The following ABCA12 variants were observed in gnomAD, a reference collection of about 807,000 sequenced individuals.
The protein encoded by ABCA12 is glucosylceramide transporter ABCA12.
ABCA12 carries 156 observed loss-of-function variants against 293.5 expected under a neutral mutation model. The observed-to-expected ratio is 0.53, with a 90% CI of 0.47 to 0.61. ABCA12 has a LOEUF of 0.61. ABCA12 is among the 20% of genes least tolerant of loss of function. The pLI, the probability that ABCA12 is intolerant of heterozygous loss-of-function variation, is 0.00. For synonymous variants in ABCA12, 1,063 were observed against 1,108.0 expected (o/e 0.96, Z 0.81); for missense variants, 2,797 against 3,090.2 (o/e 0.91, Z 2.25).
chr2:215,046,181 T>A (rs557706068), intron 6 of ABCA12, among the ~76,000 whole-genome samples, 166 bp from the exon 7 acceptor site: 1 of 152,260 alleles, frequency 6.6e-6, no homozygotes, highest in East Asian at 1.9e-4. Context: ...CAGCAACTAC[T>A]TCTAATGTTC....
intron 40 of ABCA12, 45 bp from the exon 41 acceptor site, chr2:214,958,499 A>G: frequency 5.0e-6 from 8 of 1,593,946 alleles, no homozygotes; most frequent in Non-Finnish European, 6.9e-6. Flanking sequence ...AAGTTTTTGA[A>G]ACTCTTTTCC....
intron 39 of ABCA12, among the ~76,000 whole-genome samples, chr2:214,959,665 T>A (rs919287538): frequency 2.6e-5 from 4 of 152,162 alleles, no homozygotes; most frequent in Non-Finnish European, 4.4e-5. Context: ...CGAGGCCTTT[T>A]CATTGAGACA....
intron 2 of ABCA12, among the ~76,000 whole-genome samples, chr2:215,070,990 G>A (rs905204429): frequency 5.3e-5 from 8 of 151,948 alleles, no homozygotes; most frequent in Non-Finnish European, 1.0e-4. Context: ...GACAAAGCCT[G>A]GGCAACATGG....
In ABCA12 at chr2:214,979,941, G is replaced by A. The variant is rs1699610232; in HGVS notation, c.4740+542C>T. 2.0e-5 allele frequency among the ~76,000 whole-genome samples: 3 copies of A among 152,226 alleles called. No individual in the cohort carries two copies. The South Asian group carries it at 6.2e-4, about 32-fold the overall frequency. The stretch of plus-strand genomic sequence containing the variant: ...GTTAGGTGGTGCAGGGATCTTTAGC[G>A]AGCATTTTTGTTCTCCAAAAGATGT... On this transcript the variant is annotated intron_variant, in intron 31 of 52. Transcript: ENST00000272895.
At chr2:214,946,604 T>C (rs192454225) in intron 48 of ABCA12, among the ~76,000 whole-genome samples, 2 of 152,282 alleles carry the variant, frequency 1.3e-5, no homozygotes, top group African/African-American at 4.8e-5. Flanking sequence ...AATGATTTGA[T>C]CCACTGTATG....
Position 214,969,802 on chromosome 2 carries a change from G to A in ABCA12, c.5690+471C>T, listed in dbSNP as rs1370627688. Among the ~76,000 whole-genome samples, 32 of 152,052 alleles carry A rather than the reference G, an allele frequency of 2.1e-4. 1 individual carries two copies. The highest frequency in any genetic ancestry group is 2.1e-3 in the Admixed American group (32 of 15,258). ...AAAGAAGAAAATGGCAGCAATTGAA[G>A]GTCTACCAACTTTGTGTCCATGACA... is the stretch of plus-strand genomic sequence containing the variant. On this transcript the variant is annotated intron_variant, in intron 37 of 52. Transcript: ENST00000272895.
intron 1 of ABCA12, among the ~76,000 whole-genome samples, chr2:215,134,614 TATAGAGAGAGAGAGAGAGAGAG>T (rs1703166001): frequency 1.2e-5 from 1 of 86,298 alleles, no homozygotes. Flanking sequence ...TATATATATA[TATAGAGAGAGAGAGAGAGAGAG>T]AGAGACAAAC....
chr2:214,996,445 T>A (rs765320714), intron 23 of ABCA12, among the ~76,000 whole-genome samples: 4 of 152,178 alleles, frequency 2.6e-5, no homozygotes, highest in Non-Finnish European at 5.9e-5. Flanking sequence ...TCTCAAAGAT[T>A]TTCTTTACTC....
intron 2 of ABCA12, among the ~76,000 whole-genome samples, chr2:215,094,997 T>C (rs1270154155): frequency 6.6e-6 from 1 of 152,182 alleles, no homozygotes; most frequent in Non-Finnish European, 1.5e-5. Flanking sequence ...TGTATGCTAG[T>C]TTTCCTTATC....
intron 1 of ABCA12, among the ~76,000 whole-genome samples, chr2:215,121,766 G>A (rs527812825): frequency 1.3e-5 from 2 of 152,256 alleles, no homozygotes; most frequent in Admixed American, 1.3e-4. Context: ...TCATGATAGT[G>A]AACAAGTCTC....
intron 26 of ABCA12, 54 bp from the exon 27 acceptor site, chr2:214,987,847 T>A: frequency 6.3e-7 from 1 of 1,591,018 alleles, no homozygotes; most frequent in South Asian, 1.1e-5. Context: ...TTAACATTTA[T>A]CATCAGAAAC....
At chr2:214,984,659 G>A (rs1349737520) in intron 28 of ABCA12, among the ~76,000 whole-genome samples, 1 of 151,956 alleles carries the variant, frequency 6.6e-6, no homozygotes, top group Non-Finnish European at 1.5e-5. Flanking sequence ...CATTGATTTT[G>A]CCTCTTTCCC....
intron 42 of ABCA12, 36 bp from the exon 43 acceptor site, chr2:214,955,397 C>T (rs1698913951): frequency 6.2e-7 from 1 of 1,609,486 alleles, no homozygotes; most frequent in Non-Finnish European, 8.5e-7. Context: ...AAAATTACGC[C>T]TCGGCCAGGC....
intron 2 of ABCA12, among the ~76,000 whole-genome samples, chr2:215,103,830 A>G (rs1178273876): frequency 1.3e-5 from 2 of 152,026 alleles, no homozygotes; most frequent in Non-Finnish European, 2.9e-5. Flanking sequence ...ATCCAGGTAA[A>G]TCTGACATTA....
Position 214,947,429 on chromosome 2 carries a change from A to G in ABCA12, c.7232T>C (p.Leu2411Pro). 1 of 1,613,916 alleles carries G rather than the reference A, an allele frequency of 6.2e-7. No individual in the cohort carries two copies. The highest frequency in any genetic ancestry group is 2.2e-5 in the East Asian group (1 of 44,860). The change falls in exon 48 of 53, where the codon CTA becomes CCA. Residue 2411 changes from leucine (L) to proline (P), a missense_variant. Physicochemically the swap from Leu to Pro is moderately conservative, Grantham distance 98 (BLOSUM62 -3). Around this residue, in one of 3 missense-constraint regions of ABCA12, gnomAD observed 2,130 missense variants for 2,427.0 expected, o/e 0.88. Coordinates refer to ENST00000272895, the MANE Select transcript of ABCA12 (RefSeq NM_173076.3). The stretch of plus-strand genomic sequence containing the variant: ...AAATAATGATTCTCTTACCAGCAGT[A>G]GAATGGAAGGTTTCCCTATCAAGGC... ...ALALIGKPSI[L>P]LLDEPSSGMD...
In ABCA12 at chr2:214,934,062, G is replaced by C. The variant is rs368174220; in HGVS notation, c.7680+16C>G. ...ATATGTGACGTTGTGCACATGGATC[G>C]TGGTATATATCTTACCTCTTCCAGA... On this transcript the variant is annotated intron_variant, in intron 52 of 52. Transcript: ENST00000272895. 3 of 1,610,820 alleles carry C rather than the reference G, an allele frequency of 1.9e-6. No homozygotes were observed. Among genetic ancestry groups the C allele is most frequent in the Admixed American group, 3.3e-5 (2 of 59,900 alleles).
At chr2:215,117,588 T>C (rs1702712781) in intron 1 of ABCA12, among the ~76,000 whole-genome samples, 1 of 152,230 alleles carries the variant, frequency 6.6e-6, no homozygotes, top group Non-Finnish European at 1.5e-5. Context: ...GGGCAAAGCA[T>C]ATAATTTCAA....
intron 1 of ABCA12, among the ~76,000 whole-genome samples, chr2:215,114,755 A>G (rs1197814611): frequency 1.3e-5 from 2 of 152,192 alleles, no homozygotes; most frequent in African/African-American, 4.8e-5. Context: ...TATGTTTCTC[A>G]TTTGAAATGT....
intron 8 of ABCA12, chr2:215,032,506 A>C (rs2106031625): frequency 6.5e-6 from 1 of 153,412 alleles, no homozygotes; most frequent in African/African-American, 2.4e-5. Flanking sequence ...TCTAATGGAG[A>C]CCACATACGA....
Sources: allele counts gnomAD v4.1 joint callset (sites outside exome capture counted in the v4.1 genomes callset), GRCh38; gene constraint gnomAD v4.1.1; regional missense constraint gnomAD v4.1.1; transcripts MANE v1.5; gene names NCBI Gene and HGNC (gene_info 2026-07-23, HGNC 2026-07-21).